SETBP1: variants seen among roughly 807,000 people sequenced by gnomAD.
SETBP1 encodes the protein SET-binding protein.
SETBP1 carries 9 observed loss-of-function variants against 101.0 expected under a neutral mutation model. That is an observed-to-expected ratio of 0.09 (90% CI 0.05 to 0.16). The LOEUF (loss-of-function observed/expected upper bound fraction) is 0.16, where lower values mean the gene tolerates loss of function less well. Ranked by LOEUF, SETBP1 falls within the 10% of genes least tolerant of loss-of-function variation. SETBP1 has a pLI of 1.00. For missense variants in SETBP1, 1,858 were observed against 2,033.8 expected, an observed-to-expected ratio of 0.91 and a Z score of 1.66; for synonymous variants, 818 against 788.5, an observed-to-expected ratio of 1.04 and a Z score of -0.63.
chr18:44,823,793 TAAG>T (rs1568165308), intron 2 of SETBP1, among the ~76,000 whole-genome samples: 1 of 152,200 alleles, frequency 6.6e-6, no homozygotes, highest in Non-Finnish European at 1.5e-5. Context: ...GATTCACAAA[TAAG>T]AAATGATTTT....
rs140544874 is a variant in SETBP1 at position 44,952,396 on chromosome 18, G to A, written c.3056G>A (p.Arg1019His). Residue 1019 changes from arginine (R) to histidine (H), a missense_variant, in exon 4 of 6, where the codon CGT becomes CAT. By Grantham distance (29) the Arg-to-His change is conservative. Around this residue, in one of 12 missense-constraint regions of SETBP1, gnomAD observed 255 missense variants for 300.1 expected, o/e 0.85. Transcript: ENST00000649279. ...TCAGACTTGAAGTCAAAGAAGAAGC[G>A]TGGTAGGCCTGCAAAAACCAATGAC... ...RTSDLKSKKK[R>H]GRPAKTNDTM... 28 of 1,614,012 alleles carry A rather than the reference G, an allele frequency of 1.7e-5. No individual in the cohort carries two copies. Among genetic ancestry groups the A allele is most frequent in the African/African-American group, 4.0e-5 (3 of 74,898 alleles).
chr18:45,040,596 G>T (rs371125059), intron 5 of SETBP1, among the ~76,000 whole-genome samples: 2 of 151,556 alleles, frequency 1.3e-5, no homozygotes, highest in Admixed American at 1.3e-4. Context: ...AAGACAGGTG[G>T]TCCCCCATTT....
intron 4 of SETBP1, among the ~76,000 whole-genome samples, chr18:45,001,813 T>A (rs1222182016): frequency 6.6e-6 from 1 of 152,120 alleles, no homozygotes; most frequent in African/African-American, 2.4e-5. Context: ...TCCATGCTTT[T>A]TCCACTGCAC....
At chr18:45,007,165 G>A (rs111647689) in intron 4 of SETBP1, among the ~76,000 whole-genome samples, 4 of 152,230 alleles carry the variant, frequency 2.6e-5, no homozygotes, top group East Asian at 1.9e-4. Flanking sequence ...CTGAGCTAAC[G>A]ACTTGCCTGG....
chr18:44,966,989 C>T (rs2043188296), intron 4 of SETBP1, among the ~76,000 whole-genome samples: 1 of 152,190 alleles, frequency 6.6e-6, no homozygotes, highest in South Asian at 2.1e-4. Flanking sequence ...TTTCCTTTCA[C>T]TTCCACTTTA....
At chr18:44,791,127 G>A (rs959208698) in intron 2 of SETBP1, among the ~76,000 whole-genome samples, 1 of 152,100 alleles carries the variant, frequency 6.6e-6, no homozygotes, top group Admixed American at 6.5e-5. Flanking sequence ...CTGAAGGCAG[G>A]ATTTTGTCCT....
rs141317903 is a variant in SETBP1, at chr18:45,023,330, C to T, written c.4001-15155C>T. On this transcript the variant is annotated intron_variant, in intron 4 of 5. Coordinates refer to ENST00000649279, the MANE Select transcript of SETBP1 (RefSeq NM_015559.3). Reference sequence around the variant, plus strand: ...TGGAAGGTAATATGGGTGATCTTTTCGGCTCAGGGGAGATTTTTATTTTTA... The same window carrying T: ...TGGAAGGTAATATGGGTGATCTTTTTGGCTCAGGGGAGATTTTTATTTTTA... Among the ~76,000 whole-genome samples the T allele has an allele frequency of 7.6e-4, 116 of 152,250 alleles. No individual in the cohort carries two copies. In the East Asian group the frequency reaches 0.02, roughly 27 times the overall value.
chr18:44,829,351 T>C (rs2072308228), intron 2 of SETBP1, among the ~76,000 whole-genome samples: 1 of 152,242 alleles, frequency 6.6e-6, no homozygotes, highest in African/African-American at 2.4e-5. Flanking sequence ...TCAAGTATAA[T>C]TCTATTGAAA....
At chr18:44,792,702 C>T (rs1410884201) in intron 2 of SETBP1, among the ~76,000 whole-genome samples, 1 of 152,188 alleles carries the variant, frequency 6.6e-6, no homozygotes, top group African/African-American at 2.4e-5. Flanking sequence ...TAGGAATATG[C>T]TTTTTGATGT....
chr18:44,682,499 C>G (rs914838952), intron 1 of SETBP1, among the ~76,000 whole-genome samples: 7 of 152,158 alleles, frequency 4.6e-5, no homozygotes, highest in African/African-American at 1.7e-4. Context: ...TCTGATTTCT[C>G]TGGCTTCTAC....
intron 4 of SETBP1, among the ~76,000 whole-genome samples, chr18:44,978,101 A>C (rs1416048995): frequency 1.3e-5 from 2 of 152,144 alleles, no homozygotes; most frequent in Non-Finnish European, 2.9e-5. Context: ...CCACAGGCCA[A>C]CATTAGGTTG....
At chr18:44,998,639 C>T (rs1018771723) in intron 4 of SETBP1, among the ~76,000 whole-genome samples, 6 of 152,196 alleles carry the variant, frequency 3.9e-5, no homozygotes. Context: ...GAAATATGCT[C>T]ACCCACCAAT....
chr18:44,875,098 G>A (rs1225211053), intron 3 of SETBP1, among the ~76,000 whole-genome samples: 1 of 152,112 alleles, frequency 6.6e-6, no homozygotes, highest in Non-Finnish European at 1.5e-5. Flanking sequence ...TTTGTAAAAG[G>A]GAATCTCTGA....
intron 5 of SETBP1, among the ~76,000 whole-genome samples, chr18:45,054,421 C>T (rs532773479): frequency 2.6e-5 from 4 of 152,024 alleles, no homozygotes; most frequent in Non-Finnish European, 4.4e-5. Flanking sequence ...CTCCTGACCT[C>T]GTAATCCACC....
chr18:45,018,974 G>T (rs1220511592), intron 4 of SETBP1, among the ~76,000 whole-genome samples: 1 of 152,132 alleles, frequency 6.6e-6, no homozygotes, highest in African/African-American at 2.4e-5. Flanking sequence ...GAGAAGGAGA[G>T]TATAGACTCC....
intron 2 of SETBP1, among the ~76,000 whole-genome samples, chr18:44,711,762 T>C (rs561409246): frequency 1.3e-5 from 2 of 149,332 alleles, no homozygotes; most frequent in South Asian, 4.2e-4. Context: ...AGGCTGGTCC[T>C]GAACTGGCCT....
chr18:44,682,215 C>G (rs2068771027), intron 1 of SETBP1, among the ~76,000 whole-genome samples: 1 of 152,170 alleles, frequency 6.6e-6, no homozygotes, highest in African/African-American at 2.4e-5. Flanking sequence ...TGTGCCCCAT[C>G]CAAACTCATC....
intron 4 of SETBP1, among the ~76,000 whole-genome samples, chr18:44,979,337 G>T (rs963781860): frequency 3.3e-5 from 5 of 152,158 alleles, no homozygotes; most frequent in African/African-American, 1.2e-4. Flanking sequence ...CTGGCCCTTT[G>T]TTCTAGGATA....
chr18:44,958,718 G>C (rs898662309), intron 4 of SETBP1, among the ~76,000 whole-genome samples: 1 of 152,128 alleles, frequency 6.6e-6, no homozygotes, highest in African/African-American at 2.4e-5. Context: ...GAGATGTTAA[G>C]CTATATGTTT....
Sources: allele counts gnomAD v4.1 joint callset (sites outside exome capture counted in the v4.1 genomes callset), GRCh38; gene constraint gnomAD v4.1.1; regional missense constraint gnomAD v4.1.1; transcripts MANE v1.5; gene names NCBI Gene and HGNC (gene_info 2026-07-23, HGNC 2026-07-21).